ADTRP: variants seen among roughly 807,000 people sequenced by gnomAD.
The protein encoded by ADTRP is androgen dependent TFPI regulating protein.
A neutral mutation model predicts 27.0 loss-of-function variants in ADTRP; 20 were observed. The observed-to-expected ratio is 0.74, with a 90% CI of 0.52 to 1.08. The LOEUF is 1.08. Among genes scored for constraint, ADTRP ranks in the 50% least tolerant of loss-of-function variants. ADTRP has a pLI of 0.00. For missense variants in ADTRP, 251 were observed against 275.0 expected (o/e 0.91, Z 0.62); for synonymous variants, 101 against 105.2 (o/e 0.96, Z 0.25).
chr6:11,774,354 T>C (rs1201866874), intron 1 of ADTRP, among the ~76,000 whole-genome samples: 1 of 95,854 alleles, frequency 1.0e-5, no homozygotes, highest in South Asian at 3.9e-4. Context: ...CCATAGATTA[T>C]TACTTAAGGT....
intron 1 of ADTRP, chr6:11,770,094 G>T (rs1381616173): frequency 7.8e-6 from 12 of 1,543,190 alleles, no homozygotes; most frequent in Middle Eastern, 1.7e-4. Context: ...GCTAGACTTC[G>T]AAAAAATAAA....
chr6:11,722,206 TA>T (rs1348398270), intron 5 of ADTRP, among the ~76,000 whole-genome samples: 2 of 152,206 alleles, frequency 1.3e-5, no homozygotes, highest in South Asian at 2.1e-4. Flanking sequence ...TCCATTTTTT[TA>T]AGTGTTTGCT....
intron 5 of ADTRP, among the ~76,000 whole-genome samples, chr6:11,721,488 A>G (rs1351438668): frequency 6.6e-6 from 1 of 152,238 alleles, no homozygotes; most frequent in East Asian, 1.9e-4. Flanking sequence ...ACTGCATTGC[A>G]ACTTTAACAA....
chr6:11,765,330 T>TTG (rs1275139662), intron 3 of ADTRP, among the ~76,000 whole-genome samples: 1 of 143,566 alleles, frequency 7.0e-6, no homozygotes. Flanking sequence ...TTTGTTTTTT[T>TTG]TTTTTTTTTT....
intron 1 of ADTRP, among the ~76,000 whole-genome samples, chr6:11,776,703 T>C (rs1763964454): frequency 6.6e-6 from 1 of 151,970 alleles, no homozygotes; most frequent in African/African-American, 2.4e-5. Flanking sequence ...GGCAGAGAAG[T>C]GACAGCAGGA....
At chr6:11,746,811 T>C (rs951913934) in intron 3 of ADTRP, among the ~76,000 whole-genome samples, 1 of 152,184 alleles carries the variant, frequency 6.6e-6, no homozygotes, top group African/African-American at 2.4e-5. Context: ...CCAATGAGCC[T>C]GTCCTTCCTT....
intron 4 of ADTRP, among the ~76,000 whole-genome samples, chr6:11,732,489 G>A (rs944738708): frequency 6.6e-6 from 1 of 152,198 alleles, no homozygotes; most frequent in African/African-American, 2.4e-5. Flanking sequence ...CAGGGGCCCT[G>A]GAAACTGCGT....
intron 1 of ADTRP, among the ~76,000 whole-genome samples, chr6:11,775,741 C>A (rs565739047): frequency 3.1e-4 from 47 of 152,278 alleles, no homozygotes; most frequent in African/African-American, 1.1e-3. Flanking sequence ...CCCTTCCAGT[C>A]CCCTGGGATA....
chr6:11,734,650 G>T (rs953067623), intron 4 of ADTRP, among the ~76,000 whole-genome samples: 7 of 152,210 alleles, frequency 4.6e-5, no homozygotes, highest in Non-Finnish European at 1.0e-4. Flanking sequence ...CTCTAAGACA[G>T]AGGCTGGTCG....
At chr6:11,777,247 TGTG>T (rs1763986577) in intron 1 of ADTRP, among the ~76,000 whole-genome samples, 2 of 10,484 alleles carry the variant, frequency 1.9e-4, no homozygotes, top group Admixed American at 3.0e-3. Flanking sequence ...CAGGATCAGT[TGTG>T]TGTGTGTGTG....
chr6:11,736,029 C>A (rs1762540930), intron 3 of ADTRP: 1 of 183,132 alleles, frequency 5.5e-6, no homozygotes, highest in Admixed American at 6.1e-5. Context: ...GTGCCACGAT[C>A]TTGGCTCACT....
At chr6:11,769,565 T>C (rs911256646) in intron 1 of ADTRP, among the ~76,000 whole-genome samples, 34 of 152,212 alleles carry the variant, frequency 2.2e-4, no homozygotes, top group Admixed American at 2.0e-4. Context: ...GTTTGTTTTT[T>C]AAGAAGCTTC....
chr6:11,758,512 T>C (rs531133981), intron 3 of ADTRP, among the ~76,000 whole-genome samples: 168 of 129,966 alleles, frequency 1.3e-3, no homozygotes, highest in Middle Eastern at 5.0e-3. Context: ...TAGGTGGGAA[T>C]TGAACAATGA....
At chr6:11,764,195 C>T (rs1019111669) in intron 3 of ADTRP, among the ~76,000 whole-genome samples, 26 of 152,316 alleles carry the variant, frequency 1.7e-4, no homozygotes, top group African/African-American at 4.1e-4. Flanking sequence ...AATTAGCTCA[C>T]GGATGTGATG....
intron 4 of ADTRP, among the ~76,000 whole-genome samples, chr6:11,732,101 T>C (rs1391508793): frequency 6.6e-6 from 1 of 152,168 alleles, no homozygotes; most frequent in Non-Finnish European, 1.5e-5. Flanking sequence ...TTGCAGTCAT[T>C]ACTATTTTGC....
intron 3 of ADTRP, 140 bp from the exon 4 acceptor site, chr6:11,735,823 A>G: frequency 1.6e-6 from 1 of 638,584 alleles, no homozygotes; most frequent in Non-Finnish European, 2.8e-6. Flanking sequence ...TAGATGCCCA[A>G]GGACCTACCG....
At chr6:11,764,345 G>GA (rs1263536518) in intron 3 of ADTRP, among the ~76,000 whole-genome samples, 1 of 152,206 alleles carries the variant, frequency 6.6e-6, no homozygotes, top group Non-Finnish European at 1.5e-5. Flanking sequence ...GTGGGGGGGA[G>GA]ATGGTAGTCA....
At chr6:11,742,483 G>A (rs1762749680) in intron 3 of ADTRP, among the ~76,000 whole-genome samples, 1 of 152,166 alleles carries the variant, frequency 6.6e-6, no homozygotes, top group Non-Finnish European at 1.5e-5. Context: ...GGCTTCTATT[G>A]TTGAGATTCA....
intron 5 of ADTRP, among the ~76,000 whole-genome samples, chr6:11,715,185 A>T (rs1285047763): frequency 7.7e-6 from 1 of 129,448 alleles, no homozygotes; most frequent in Non-Finnish European, 1.5e-5. Context: ...TGTCAATGCT[A>T]CTTTAAAAAC....
Sources: gnomAD v4.1 joint callset for allele counts (sites outside exome capture counted in the v4.1 genomes callset) on GRCh38, gnomAD v4.1.1 for gene constraint, MANE v1.5 for transcripts, NCBI Gene and HGNC (gene_info 2026-07-23, HGNC 2026-07-21) for gene names.